KIF11: variants seen among roughly 807,000 people sequenced by gnomAD.
The protein encoded by KIF11 is kinesin-like protein KIF11.
A neutral mutation model predicts 121.0 loss-of-function variants in KIF11; 9 were observed. The ratio of observed to expected loss-of-function variants is 0.07; its 90% confidence interval spans 0.04 to 0.13. The LOEUF (loss-of-function observed/expected upper bound fraction) is 0.13, where lower values mean the gene tolerates loss of function less well. Among genes scored for constraint, KIF11 ranks in the 10% least tolerant of loss-of-function variants. The pLI is 1.00. For synonymous variants in KIF11, 408 were observed against 421.0 expected (o/e 0.97, Z 0.38); for missense variants, 846 against 1,217.5 (o/e 0.69, Z 4.54).
intron 1 of KIF11, among the ~76,000 whole-genome samples, chr10:92,603,696 C>T (rs1844400456): frequency 6.6e-6 from 1 of 150,842 alleles, no homozygotes; most frequent in African/African-American, 2.4e-5. Flanking sequence ...CTATGTTGGC[C>T]AGGCTGATCT....
intron 12 of KIF11, among the ~76,000 whole-genome samples, chr10:92,632,259 C>G (rs1294507389): frequency 6.6e-6 from 1 of 151,958 alleles, no homozygotes; most frequent in East Asian, 1.9e-4. Flanking sequence ...CCTCCACCTC[C>G]CAGGTTCAAG....
rs1844461612 is a variant in KIF11 at position 92,608,955 on chromosome 10, C to T, written c.388-65C>T. Reference sequence around the variant, plus strand: ...GTTTAAATATATTATAAAGGAGGCCCATGTATTTTAACTGCCACAGTAAAT... The same window carrying T: ...GTTTAAATATATTATAAAGGAGGCCTATGTATTTTAACTGCCACAGTAAAT... On this transcript the variant is annotated intron_variant, in intron 4 of 21. Transcript: ENST00000260731. The T allele has an allele frequency of 4.8e-6, 4 of 834,210 alleles. No individual in the cohort carries two copies. The East Asian group carries it at 1.0e-4, about 21-fold the overall frequency. The allele number at this position is 834,210 out of a possible 1,614,324, so 51.7% of individuals were successfully genotyped here.
chr10:92,651,540 T>A (rs1309210398), intron 21 of KIF11, among the ~76,000 whole-genome samples: 3 of 102,722 alleles, frequency 2.9e-5, no homozygotes, highest in Admixed American at 9.6e-5. Context: ...TTTTTTTTTT[T>A]TTTTTTTTAG....
chr10:92,645,441 A>C lies in KIF11; in HGVS notation c.2346A>C (p.Glu782Asp). 1 of 1,613,796 alleles carries C rather than the reference A, an allele frequency of 6.2e-7. No individual in the cohort carries two copies. The highest frequency in any genetic ancestry group is 8.5e-7 in the Non-Finnish European group (1 of 1,179,690). Residue 782 changes from glutamate to aspartate, a missense_variant, in exon 18 of 22, where the codon GAA (glutamate) becomes GAC (aspartate). Glu to Asp is a conservative substitution (Grantham distance 45). Transcript: ENST00000260731. ...FCADSDGFSQELRNFNQEGTK... is the reference protein window; with the variant it reads ...FCADSDGFSQDLRNFNQEGTK... ...CTGATTCTGATGGCTTCTCACAGGAACTCAGAAATTTTAACCAAGAAGGTA... is the reference window on the plus strand; with the variant it reads ...CTGATTCTGATGGCTTCTCACAGGACCTCAGAAATTTTAACCAAGAAGGTA...
At chr10:92,643,316 AGTATACATTTTAAGATAATTTGAATTT>A (rs990413687) in intron 17 of KIF11, among the ~76,000 whole-genome samples, 2 of 152,196 alleles carry the variant, frequency 1.3e-5, no homozygotes, top group African/African-American at 4.8e-5. Context: ...TAGGATTTAA[AGTATACATTTTAAGATAATTTGAATTT>A]GTATACATTT....
intron 8 of KIF11, among the ~76,000 whole-genome samples, chr10:92,615,998 C>T (rs1233240424): frequency 6.6e-6 from 1 of 151,784 alleles, no homozygotes; most frequent in African/African-American, 2.4e-5. Flanking sequence ...ACCACCATGC[C>T]TGGCTAATTT....
In KIF11 at chr10:92,632,606, A is replaced by C; in HGVS notation, c.1615A>C (p.Asn539His). 6.2e-7 allele frequency: 1 copy of C among 1,613,838 alleles called. No individual in the cohort carries two copies. Among genetic ancestry groups the C allele is most frequent in the Non-Finnish European group, 8.5e-7 (1 of 1,179,768 alleles). Reference sequence around the variant, plus strand: ...TCAGGATATTTTTGGCAAAAACCTGAATAGTCTGTTTAATAATATGGAAGA... The same window carrying C: ...TCAGGATATTTTTGGCAAAAACCTGCATAGTCTGTTTAATAATATGGAAGA... ...EAQDIFGKNLNSLFNNMEELI... is the reference protein window; with the variant it reads ...EAQDIFGKNLHSLFNNMEELI... Residue 539 changes from asparagine to histidine, a missense_variant, in exon 13 of 22, where the codon AAT (asparagine) becomes CAT (histidine). Physicochemically the swap from Asn to His is moderately conservative, Grantham distance 68 (BLOSUM62 1). This residue lies in a region of KIF11 where 492 missense variants were observed against 603.4 expected (regional missense o/e 0.82). Coordinates refer to ENST00000260731, the MANE Select transcript of KIF11 (RefSeq NM_004523.4).
At chr10:92,614,943 G>T (rs565227237) in intron 8 of KIF11, among the ~76,000 whole-genome samples, 1 of 152,076 alleles carries the variant, frequency 6.6e-6, no homozygotes, top group South Asian at 2.1e-4. Context: ...TGAGCCACCA[G>T]GCCTGGCTAA....
intron 1 of KIF11, among the ~76,000 whole-genome samples, chr10:92,602,718 CG>C (rs1564702913): frequency 6.6e-6 from 1 of 151,536 alleles, no homozygotes. Context: ...TGCTGTGTCC[CG>C]TAAGTTTTGG....
chr10:92,625,785 T>C (rs888481360), intron 10 of KIF11, among the ~76,000 whole-genome samples: 3 of 152,162 alleles, frequency 2.0e-5, no homozygotes, highest in Non-Finnish European at 2.9e-5. Context: ...ATACCAATAA[T>C]GTCCAAGCTG....
intron 18 of KIF11, 49 bp downstream of exon 18, chr10:92,645,691 A>C (rs1361304570): frequency 7.4e-7 from 1 of 1,342,608 alleles, no homozygotes; most frequent in Admixed American, 2.3e-5. Context: ...AATAATCAGA[A>C]AGTTAAATAT....
At chr10:92,648,506 C>A in intron 19 of KIF11, 72 bp downstream of exon 19, 2 of 955,548 alleles carry the variant, frequency 2.1e-6, no homozygotes, top group South Asian at 1.8e-5. Flanking sequence ...GTCAGATGTT[C>A]AGAAAAATTA....
chr10:92,609,639 T>G, intron 6 of KIF11, 130 bp downstream of exon 6: 1 of 739,576 alleles, frequency 1.4e-6, no homozygotes, highest in Non-Finnish European at 2.1e-6. Flanking sequence ...TAAGGAGGGG[T>G]CATTGGTAAT....
intron 10 of KIF11, among the ~76,000 whole-genome samples, chr10:92,628,301 G>T (rs992458969): frequency 6.6e-6 from 1 of 152,142 alleles, no homozygotes; most frequent in African/African-American, 2.4e-5. Context: ...GCAGCAGGGG[G>T]TGTAATTGCT....
chr10:92,626,953 A>G (rs1374740980), intron 10 of KIF11, among the ~76,000 whole-genome samples: 2 of 152,048 alleles, frequency 1.3e-5, no homozygotes, highest in African/African-American at 4.8e-5. Flanking sequence ...TAGTAGAGAC[A>G]GGGTTTCACC....
chr10:92,626,198 A>G (rs1464462936), intron 10 of KIF11, among the ~76,000 whole-genome samples: 1 of 152,228 alleles, frequency 6.6e-6, no homozygotes, highest in Non-Finnish European at 1.5e-5. Context: ...TAACCAAAAC[A>G]TCATGGTACT....
rs572425379 is a variant in KIF11 at position 92,628,750 on chromosome 10, T to C, written c.1218-58T>C. The C allele has an allele frequency of 1.9e-5, 17 of 902,338 alleles. No homozygotes were observed. The East Asian group carries it at 4.5e-4, about 24-fold the overall frequency. The allele number at this position is 902,338 out of a possible 1,614,324, so 55.9% of individuals were successfully genotyped here. ...GCTGTCACAATTGTGTTAGAATACATTTTATAGGAGTTAGAAAAAAATATT... is the reference window on the plus strand; with the variant it reads ...GCTGTCACAATTGTGTTAGAATACACTTTATAGGAGTTAGAAAAAAATATT... On this transcript the variant is annotated intron_variant, in intron 10 of 21. Transcript: ENST00000260731.
chr10:92,641,760 C>T (rs1228170025), intron 17 of KIF11, among the ~76,000 whole-genome samples: 2 of 152,070 alleles, frequency 1.3e-5, no homozygotes, highest in African/African-American at 4.8e-5. Context: ...TTTCATCTGC[C>T]CCTATGACTT....
chr10:92,634,514 T>C (rs1479709850), intron 14 of KIF11, among the ~76,000 whole-genome samples: 1 of 151,132 alleles, frequency 6.6e-6, no homozygotes, highest in Non-Finnish European at 1.5e-5. Flanking sequence ...CCTCAAGCAA[T>C]CCACCCACCT....
Sources: gnomAD v4.1 joint callset for allele counts (sites outside exome capture counted in the v4.1 genomes callset) on GRCh38, gnomAD v4.1.1 for gene constraint, gnomAD v4.1.1 regional missense constraint, MANE v1.5 for transcripts, NCBI Gene and HGNC (gene_info 2026-07-23, HGNC 2026-07-21) for gene names.